Variants in IMMP2L observed in about 807,000 individuals in gnomAD.
IMMP2L encodes the protein mitochondrial inner membrane protease subunit 2.
Under a neutral mutation model 19.3 loss-of-function variants are expected in IMMP2L, and 18 were observed. The observed-to-expected ratio is 0.93, with a 90% CI of 0.64 to 1.38. The LOEUF (loss-of-function observed/expected upper bound fraction) is 1.38. Among genes scored for constraint, IMMP2L ranks in the 40% most tolerant of loss-of-function variants. The pLI is 0.00. For missense variants in IMMP2L, 233 were observed against 218.2 expected (o/e 1.07, Z -0.43); for synonymous variants, 76 against 73.0 (o/e 1.04, Z -0.21).
chr7:111,122,899 C>T (rs142475039), intron 3 of IMMP2L: 1 of 1,613,986 alleles, frequency 6.2e-7, no homozygotes, highest in Admixed American at 1.7e-5. Context: ...TTGGTTTACA[C>T]CCAGATCCAT....
At chr7:110,869,424 T>C (rs1808320830) in intron 5 of IMMP2L, among the ~76,000 whole-genome samples, 1 of 152,122 alleles carries the variant, frequency 6.6e-6, no homozygotes, top group East Asian at 1.9e-4. Flanking sequence ...TTCCACTATA[T>C]CCACCTAATC....
intron 3 of IMMP2L, among the ~76,000 whole-genome samples, chr7:111,113,129 A>T (rs1340397608): frequency 6.6e-6 from 1 of 152,162 alleles, no homozygotes; most frequent in Non-Finnish European, 1.5e-5. Context: ...ATATAATTTT[A>T]AGATTTCTGT....
chr7:111,312,930 G>C (rs932624022), intron 3 of IMMP2L, among the ~76,000 whole-genome samples: 1 of 151,994 alleles, frequency 6.6e-6, no homozygotes, highest in African/African-American at 2.4e-5. Flanking sequence ...AGTTGTTGAA[G>C]GGGTTAGAAA....
chr7:111,548,830 G>A (rs912452706), intron 1 of IMMP2L, among the ~76,000 whole-genome samples: 4 of 152,028 alleles, frequency 2.6e-5, no homozygotes, highest in East Asian at 3.9e-4. Flanking sequence ...CCTTGCCCTC[G>A]TGGCTTAACC....
intron 2 of IMMP2L, among the ~76,000 whole-genome samples, chr7:111,495,304 T>C (rs1843490272): frequency 6.6e-6 from 1 of 152,174 alleles, no homozygotes; most frequent in African/African-American, 2.4e-5. Context: ...TGAACATATA[T>C]TTAGTTTGTA....
chr7:110,704,599 G>A (rs951872097), intron 5 of IMMP2L, among the ~76,000 whole-genome samples: 3 of 152,210 alleles, frequency 2.0e-5, no homozygotes, highest in Non-Finnish European at 4.4e-5. Flanking sequence ...TGCATGGTAA[G>A]CTATTCATTA....
intron 3 of IMMP2L, among the ~76,000 whole-genome samples, chr7:111,314,538 A>G (rs978606342): frequency 6.6e-6 from 1 of 152,152 alleles, no homozygotes; most frequent in African/African-American, 2.4e-5. Context: ...AGTGAATAAG[A>G]TGAGGAAAAT....
At chr7:111,227,459 A>T (rs1813227628) in intron 3 of IMMP2L, among the ~76,000 whole-genome samples, 1 of 152,090 alleles carries the variant, frequency 6.6e-6, no homozygotes, top group South Asian at 2.1e-4. Context: ...AGGATTAGTT[A>T]TTTTTACAGC....
intron 3 of IMMP2L, among the ~76,000 whole-genome samples, chr7:110,993,996 C>G (rs758965007): frequency 2.0e-5 from 3 of 151,884 alleles, no homozygotes; most frequent in East Asian, 1.9e-4. Context: ...CATGTTAGAA[C>G]GTATCTTCTC....
Position 111,016,530 on chromosome 7 carries a change from T to C in IMMP2L, c.240-52965A>G, listed in dbSNP as rs559217678. ...ATGTATTTTATATTATATATGTATA[T>C]ATTATATATTATAATATATAGTATA... On this transcript the variant is annotated intron_variant, in intron 3 of 5. Coordinates refer to ENST00000405709, the MANE Select transcript of IMMP2L (RefSeq NM_032549.4). Among the ~76,000 whole-genome samples the C allele has an allele frequency of 1.3e-3, 159 of 121,770 alleles. 3 individuals carry two copies. The East Asian group carries it at 0.033, about 25-fold the overall frequency. 79.9% of individuals were successfully genotyped at this position (121,770 alleles called of 152,430 possible). A position where few individuals can be genotyped will look rare whatever the true frequency, so the allele number is the denominator to read the frequency against.
At chr7:110,840,084 C>T (rs1804913480) in intron 5 of IMMP2L, among the ~76,000 whole-genome samples, 1 of 152,074 alleles carries the variant, frequency 6.6e-6, no homozygotes, top group Non-Finnish European at 1.5e-5. Context: ...TGTTGGGCTA[C>T]AGTTTGGCAG....
chr7:110,795,898 G>A (rs573264917), intron 5 of IMMP2L, among the ~76,000 whole-genome samples: 123 of 152,152 alleles, frequency 8.1e-4, no homozygotes, highest in Admixed American at 1.3e-3. Context: ...GATAGGTGGT[G>A]ATATGGTTTG....
chr7:111,552,127 T>C (rs1287837421), intron 1 of IMMP2L, among the ~76,000 whole-genome samples: 1 of 152,094 alleles, frequency 6.6e-6, no homozygotes, highest in African/African-American at 2.4e-5. Context: ...TTCTAGCTGA[T>C]TATTAAAGGG....
At chr7:110,898,599 A>C (rs747770932) in intron 4 of IMMP2L, among the ~76,000 whole-genome samples, 30 of 152,164 alleles carry the variant, frequency 2.0e-4, no homozygotes, top group Admixed American at 5.9e-4. Flanking sequence ...AAAAACAAAA[A>C]CACAAACACA....
At chr7:110,950,007 C>T in intron 4 of IMMP2L, among the ~76,000 whole-genome samples, 1 of 152,086 alleles carries the variant, frequency 6.6e-6, no homozygotes, top group East Asian at 1.9e-4. Flanking sequence ...TATACTTTTG[C>T]TTATGTTGCA....
At chr7:110,724,945 G>A (rs1795797782) in intron 5 of IMMP2L, among the ~76,000 whole-genome samples, 1 of 152,132 alleles carries the variant, frequency 6.6e-6, no homozygotes, top group South Asian at 2.1e-4. Flanking sequence ...ACATTTCCAA[G>A]TACAATTCAT....
intron 3 of IMMP2L, among the ~76,000 whole-genome samples, chr7:110,982,106 C>T (rs1189845136): frequency 6.6e-6 from 1 of 152,086 alleles, no homozygotes; most frequent in Non-Finnish European, 1.5e-5. Context: ...ATTAACTGTG[C>T]AAATTTATTA....
chr7:111,492,284 T>C (rs1843177916), intron 2 of IMMP2L: 1 of 461,410 alleles, frequency 2.2e-6, no homozygotes, highest in Admixed American at 6.4e-5. Context: ...AAAACAAAGA[T>C]CCTATTCCAG....
rs1332855686 is a variant in IMMP2L at position 111,503,960 on chromosome 7, A to G, written c.136-16619T>C. On this transcript the variant is annotated intron_variant, in intron 2 of 5. Transcript: ENST00000405709. ...ACTCCTATTCAACATAGTGTTGGAA[A>G]TTCTGGCCAGTGCAATCAGGCAGGA... 7.4e-3 allele frequency among the ~76,000 whole-genome samples: 1,126 copies of G among 151,326 alleles called. 13 individuals carry two copies. Among genetic ancestry groups the G allele is most frequent in the African/African-American group, 0.025 (1,022 of 40,720 alleles).
Sources: allele counts gnomAD v4.1 joint callset (sites outside exome capture counted in the v4.1 genomes callset), GRCh38; gene constraint gnomAD v4.1.1; transcripts MANE v1.5; gene names NCBI Gene and HGNC (gene_info 2026-07-23, HGNC 2026-07-21).